Variants in ACSL5 observed in about 807,000 individuals in gnomAD.
ACSL5 encodes acyl-CoA synthetase long chain family member 5.
In ACSL5, 50 loss-of-function variants were observed where a neutral mutation model predicts 84.9. The observed-to-expected ratio is 0.59, with a 90% CI of 0.47 to 0.75. The LOEUF is 0.75. ACSL5 is among the 30% of genes least tolerant of loss of function. The pLI is 0.00. For missense variants in ACSL5, 775 were observed against 830.4 expected, an observed-to-expected ratio of 0.93 and a Z score of 0.82; for synonymous variants, 280 against 300.7, an observed-to-expected ratio of 0.93 and a Z score of 0.71.
intron 19 of ACSL5, 112 bp from the exon 20 acceptor site, chr10:112,426,676 A>G: frequency 3.2e-6 from 3 of 944,734 alleles, no homozygotes; most frequent in Non-Finnish European, 5.1e-6. Context: ...GCATAGTTTT[A>G]TATTCCTGCT....
chr10:112,425,459 T>G lies in ACSL5; in HGVS notation c.1715T>G (p.Phe572Cys). 6.2e-7 allele frequency: 1 copy of G among 1,613,004 alleles called. No homozygotes were observed. The highest frequency in any genetic ancestry group is 8.5e-7 in the Non-Finnish European group (1 of 1,179,558). ...YNRSQPVLQI[F>C]VHGESLRSSL... ...AGGAGTCAACCAGTGTTACAAATTT[T>G]TGTACACGGGGAGAGCTTACGGGTA... The change falls in exon 18 of 21, where the codon TTT becomes TGT. Residue 572 changes from phenylalanine (F) to cysteine (C), a missense_variant. Physicochemically the swap from Phe to Cys is radical, Grantham distance 205. Coordinates refer to ENST00000354655, the MANE Select transcript of ACSL5 (RefSeq NM_203379.2).
intron 12 of ACSL5, among the ~76,000 whole-genome samples, chr10:112,416,340 G>A (rs1280372574): frequency 1.3e-5 from 2 of 151,894 alleles, no homozygotes; most frequent in Admixed American, 1.3e-4. Context: ...GCGTGGTGGC[G>A]GGTGCCTGTA....
intron 7 of ACSL5, 96 bp downstream of exon 7, chr10:112,409,781 C>A: frequency 7.9e-7 from 1 of 1,262,434 alleles, no homozygotes; most frequent in Non-Finnish European, 1.1e-6. Context: ...TTCTTGTTCT[C>A]CAGGGGTGGC....
Position 112,384,794 on chromosome 10 carries a change from G to A in ACSL5, c.-29-10124G>A, listed in dbSNP as rs547142614. Among the ~76,000 whole-genome samples the A allele has an allele frequency of 5.1e-4, 77 of 152,304 alleles. No individual in the cohort carries two copies. In the South Asian group the frequency reaches 0.013, roughly 27 times the overall value. ...AGCCTTCCAAAGTACTGGGATTATA[G>A]GTGTGAGACACTGCACCCGACCTCC... is the stretch of plus-strand genomic sequence containing the variant. On this transcript the variant is annotated intron_variant, in intron 1 of 20. Transcript: ENST00000354655.
rs184194385 is a variant in ACSL5 at position 112,393,478 on chromosome 10, G to A, written c.-29-1440G>A. Among the ~76,000 whole-genome samples, 14 of 152,282 alleles carry A rather than the reference G, an allele frequency of 9.2e-5. No homozygotes were observed. The East Asian group carries it at 2.5e-3, about 27-fold the overall frequency. On this transcript the variant is annotated intron_variant, in intron 1 of 20. Transcript: ENST00000354655. The stretch of plus-strand genomic sequence containing the variant: ...CCACACAAAATTCCTGCACCTTGTG[G>A]CCTTTCTTAGACTAGAGTGAAGTGT...
intron 12 of ACSL5, among the ~76,000 whole-genome samples, chr10:112,416,470 C>CAAAAAA (rs35770074): frequency 6.9e-5 from 4 of 58,392 alleles, no homozygotes; most frequent in Non-Finnish European, 1.3e-4. Flanking sequence ...GACTCTGTCT[C>CAAAAAA]AAAAAAAAAA....
At chr10:112,426,598 CTG>C (rs1844728670) in intron 19 of ACSL5, 188 bp from the exon 20 acceptor site, 1 of 626,106 alleles carries the variant, frequency 1.6e-6, no homozygotes, top group Admixed American at 3.0e-5. Context: ...TCAGAGAAAA[CTG>C]TTAACACTTA....
chr10:112,402,043 G>A (rs371340513), intron 3 of ACSL5, among the ~76,000 whole-genome samples: 2 of 151,646 alleles, frequency 1.3e-5, no homozygotes, highest in African/African-American at 4.8e-5. Context: ...TAAGCTCACT[G>A]CAACCTCCAC....
At chr10:112,382,589 C>A (rs1041949610) in intron 1 of ACSL5, among the ~76,000 whole-genome samples, 8 of 152,200 alleles carry the variant, frequency 5.3e-5, no homozygotes, top group Non-Finnish European at 1.2e-4. Context: ...TCTTCTATCT[C>A]TTCTGAGCTC....
chr10:112,403,602 A>G (rs1469687490), intron 3 of ACSL5, among the ~76,000 whole-genome samples: 1 of 152,204 alleles, frequency 6.6e-6, no homozygotes, highest in Non-Finnish European at 1.5e-5. Context: ...AAAGTTTTTA[A>G]AGACACTATT....
chr10:112,395,630 A>G (rs914454968), intron 2 of ACSL5, among the ~76,000 whole-genome samples: 1 of 152,230 alleles, frequency 6.6e-6, no homozygotes, highest in Non-Finnish European at 1.5e-5. Context: ...TCTTAACACT[A>G]TAAAAATTGA....
chr10:112,424,123 G>C (rs1844581911), intron 17 of ACSL5, among the ~76,000 whole-genome samples: 1 of 152,212 alleles, frequency 6.6e-6, no homozygotes, highest in Admixed American at 6.5e-5. Context: ...TGTTTGCAGA[G>C]GCTAGTGTTT....
chr10:112,389,380 T>A (rs1383169892), intron 1 of ACSL5, among the ~76,000 whole-genome samples: 1 of 152,174 alleles, frequency 6.6e-6, no homozygotes, highest in Admixed American at 6.5e-5. Context: ...CAAATGGGCA[T>A]CCTGGGGTCT....
At chr10:112,377,890 G>A (rs757043670) in intron 1 of ACSL5, among the ~76,000 whole-genome samples, 56 of 152,184 alleles carry the variant, frequency 3.7e-4, no homozygotes, top group Non-Finnish European at 8.8e-5. Flanking sequence ...GCAAAATTCA[G>A]AGCAGGCATA....
chr10:112,413,528 C>T (rs1276217450), intron 12 of ACSL5, among the ~76,000 whole-genome samples: 1 of 152,114 alleles, frequency 6.6e-6, no homozygotes, highest in African/African-American at 2.4e-5. Flanking sequence ...GAGTTCGAGA[C>T]CAACCTGGCC....
At chr10:112,376,735 G>A (rs1179268755) in intron 1 of ACSL5, among the ~76,000 whole-genome samples, 1 of 152,066 alleles carries the variant, frequency 6.6e-6, no homozygotes, top group East Asian at 1.9e-4. Context: ...CTCTTTTTGT[G>A]GGTCTGAGCA....
chr10:112,395,590 T>C (rs1843729894), intron 2 of ACSL5, among the ~76,000 whole-genome samples: 2 of 152,218 alleles, frequency 1.3e-5, no homozygotes, highest in Non-Finnish European at 2.9e-5. Flanking sequence ...TTTCCTCCAG[T>C]TAAATTCTAG....
chr10:112,409,639 G>A lies in ACSL5; in HGVS notation c.665G>A (p.Arg222Lys), dbSNP rs749366074. 8.7e-6 allele frequency: 14 copies of A among 1,614,086 alleles called. No individual in the cohort carries two copies. Among genetic ancestry groups the A allele is most frequent in the Non-Finnish European group, 1.0e-5 (12 of 1,180,034 alleles). Residue 222 changes from arginine to lysine, a missense_variant, in exon 7 of 21, where the codon AGA (arginine) becomes AAA (lysine). Transcript: ENST00000354655. ...MDPFDDDLKQ[R>K]GEKSGIEILS... ...CCCTTTGATGATGACCTGAAGCAAA[G>A]AGGGGAGAAGAGTGGAATTGAGATC...
At chr10:112,403,559 T>C (rs1843955974) in intron 3 of ACSL5, among the ~76,000 whole-genome samples, 1 of 152,242 alleles carries the variant, frequency 6.6e-6, no homozygotes, top group Admixed American at 6.5e-5. Flanking sequence ...GTGCTGGGAT[T>C]ACAGGCATGA....
Sources: allele counts gnomAD v4.1 joint callset (sites outside exome capture counted in the v4.1 genomes callset), GRCh38; gene constraint gnomAD v4.1.1; transcripts MANE v1.5; gene names NCBI Gene and HGNC (gene_info 2026-07-23, HGNC 2026-07-21).